USP34: variants seen among roughly 807,000 people sequenced by gnomAD.
USP34 encodes the protein ubiquitin carboxyl-terminal hydrolase 34.
USP34 carries 70 observed loss-of-function variants against 460.3 expected under a neutral mutation model. The ratio of observed to expected loss-of-function variants is 0.15; its 90% CI spans 0.13 to 0.19. The LOEUF (loss-of-function observed/expected upper bound fraction) is 0.19. Among genes scored for constraint, USP34 ranks in the 10% least tolerant of loss-of-function variants. The pLI is 1.00. For missense variants in USP34, 3,985 were observed against 4,236.2 expected, an observed-to-expected ratio of 0.94 and a Z score of 1.65; for synonymous variants, 1,647 against 1,405.3, an observed-to-expected ratio of 1.17 and a Z score of -3.85.
intron 29 of USP34, 48 bp from the exon 30 acceptor site, chr2:61,296,973 A>G (rs1216714596): frequency 1.9e-6 from 3 of 1,543,902 alleles, no homozygotes; most frequent in Admixed American, 2.2e-5. Context: ...CAGAAAAGAA[A>G]AAGTTTTAAG....
chr2:61,407,063 T>C (rs976124243), intron 2 of USP34, among the ~76,000 whole-genome samples: 1 of 152,112 alleles, frequency 6.6e-6, no homozygotes, highest in Admixed American at 6.6e-5. Context: ...GTTCAGTTAG[T>C]AGCACAATGC....
At chr2:61,414,827 G>C (rs1217961055) in intron 2 of USP34, among the ~76,000 whole-genome samples, 1 of 152,268 alleles carries the variant, frequency 6.6e-6, no homozygotes, top group South Asian at 2.1e-4. Flanking sequence ...AAATGAAGTA[G>C]TGGCCCATGA....
At chr2:61,283,562 G>T in intron 35 of USP34, 113 bp from the exon 36 acceptor site, 2 of 1,130,996 alleles carry the variant, frequency 1.8e-6, no homozygotes, top group Non-Finnish European at 2.5e-6. Flanking sequence ...AAAAAGGAAA[G>T]CAGTGGGTGT....
Position 61,348,047 on chromosome 2 carries a change from T to A in USP34, c.2108A>T (p.His703Leu). ...AGCATTCATTTCCCCTGAAATATCA[T>A]GTTCTGGGTCTTCAGAGTGTGAACA... Reference protein sequence around the residue: ...DACSHSEDPEHDISGEMNATH... With the variant: ...DACSHSEDPELDISGEMNATH... Residue 703 changes from histidine (H) to leucine (L), a missense_variant, in exon 15 of 80, where the codon CAT becomes CTT. Transcript: ENST00000398571. 3.1e-6 allele frequency: 5 copies of A among 1,614,194 alleles called. No homozygotes were observed. The highest frequency in any genetic ancestry group is 4.2e-6 in the Non-Finnish European group (5 of 1,180,020).
chr2:61,339,850 T>A (rs964913413), intron 16 of USP34, among the ~76,000 whole-genome samples, 169 bp from the exon 17 acceptor site: 2 of 151,944 alleles, frequency 1.3e-5, no homozygotes, highest in East Asian at 1.9e-4. Context: ...GTTTTTTTTT[T>A]AAATAGAGAC....
intron 3 of USP34, among the ~76,000 whole-genome samples, chr2:61,400,075 GA>G (rs70963423): frequency 0.38 from 56,665 of 150,488 alleles, 10,689 homozygotes; most frequent in Admixed American, 0.41. Context: ...AGAGAAAACA[GA>G]GAGAAATAAA....
At chr2:61,323,417 AG>A (rs1310474854) in intron 21 of USP34, among the ~76,000 whole-genome samples, 9 of 151,032 alleles carry the variant, frequency 6.0e-5, no homozygotes, top group African/African-American at 2.2e-4. Context: ...TGGGAGGCTG[AG>A]GCAAGAGAAT....
intron 16 of USP34, among the ~76,000 whole-genome samples, chr2:61,342,117 T>C (rs954134650): frequency 6.6e-6 from 1 of 152,064 alleles, no homozygotes; most frequent in Non-Finnish European, 1.5e-5. Context: ...AAAGTGATTA[T>C]ATTTTATGTT....
chr2:61,405,428 G>A (rs1205205585), intron 3 of USP34, among the ~76,000 whole-genome samples: 3 of 151,840 alleles, frequency 2.0e-5, no homozygotes, highest in African/African-American at 7.3e-5. Context: ...TTTATTAAGA[G>A]TCATAAAATA....
At chr2:61,330,672 G>A (rs1311882956) in intron 20 of USP34, among the ~76,000 whole-genome samples, 1 of 152,142 alleles carries the variant, frequency 6.6e-6, no homozygotes, top group Non-Finnish European at 1.5e-5. Flanking sequence ...CTCACCAGCA[G>A]AAATCTTCTG....
intron 48 of USP34, 105 bp from the exon 49 acceptor site, chr2:61,248,788 G>C (rs370106940): frequency 1.8e-6 from 2 of 1,109,624 alleles, no homozygotes; most frequent in African/African-American, 3.2e-5. Context: ...TCAGAGTTAA[G>C]AAGTATAGTA....
chr2:61,259,554 AT>A (rs34649680), intron 44 of USP34, among the ~76,000 whole-genome samples, 156 bp downstream of exon 44: 42,749 of 146,928 alleles, frequency 0.29, 6,741 homozygotes, highest in African/African-American at 0.38. Flanking sequence ...TGCCTGGCTT[AT>A]TTTTTTTTTT....
intron 1 of USP34, among the ~76,000 whole-genome samples, chr2:61,452,759 C>G (rs2256615): frequency 0.66 from 100,009 of 151,310 alleles, 33,334 homozygotes; most frequent in African/African-American, 0.75. Context: ...GCTGGGCTTG[C>G]CAGCACACAC....
intron 2 of USP34, among the ~76,000 whole-genome samples, chr2:61,409,390 A>G (rs1693974552): frequency 6.6e-6 from 1 of 152,124 alleles, no homozygotes; most frequent in African/African-American, 2.4e-5. Flanking sequence ...GGATGAAGAA[A>G]GCCAAAGATT....
chr2:61,451,330 T>C (rs1260160518), intron 1 of USP34, among the ~76,000 whole-genome samples: 3 of 148,534 alleles, frequency 2.0e-5, no homozygotes, highest in Non-Finnish European at 4.5e-5. Flanking sequence ...TAAAACTAGA[T>C]GATGAAATAA....
chr2:61,399,518 A>C (rs1558571966), intron 3 of USP34, among the ~76,000 whole-genome samples: 1 of 152,084 alleles, frequency 6.6e-6, no homozygotes, highest in Non-Finnish European at 1.5e-5. Flanking sequence ...ATAAAAAATT[A>C]ACACACATCT....
intron 44 of USP34, among the ~76,000 whole-genome samples, chr2:61,259,196 T>C (rs747690042): frequency 1.3e-4 from 20 of 150,892 alleles, no homozygotes; most frequent in Non-Finnish European, 2.7e-4. Flanking sequence ...GAGGTGGAGG[T>C]TGCAGTGAAT....
rs183736879 is a variant in USP34 at position 61,304,443 on chromosome 2, C to T, written c.3818-2989G>A. Among the ~76,000 whole-genome samples, 17 of 152,226 alleles carry T rather than the reference C, an allele frequency of 1.1e-4. No individual in the cohort carries two copies. In the East Asian group the frequency reaches 2.5e-3, roughly 22 times the overall value. ...TGTTATGGTTTGAATATAAGTGTTC[C>T]CCAAATCTGTATGTCGAATCCTAAT... On this transcript the variant is annotated intron_variant, in intron 27 of 79. Coordinates refer to ENST00000398571, the MANE Select transcript of USP34 (RefSeq NM_014709.4).
At chr2:61,229,729 T>G (rs956989760) in intron 58 of USP34, 96 bp from the exon 59 acceptor site, 2 of 1,043,746 alleles carry the variant, frequency 1.9e-6, no homozygotes, top group African/African-American at 3.2e-5. Flanking sequence ...CACCCATTTA[T>G]AGTTTGCACA....
Sources: gnomAD v4.1 joint callset for allele counts (sites outside exome capture counted in the v4.1 genomes callset) on GRCh38, gnomAD v4.1.1 for gene constraint, MANE v1.5 for transcripts, NCBI Gene and HGNC (gene_info 2026-07-23, HGNC 2026-07-21) for gene names.